The following GRIA1 variants were observed in gnomAD, a reference collection of about 807,000 sequenced individuals.
GRIA1 encodes the protein glutamate ionotropic receptor AMPA type subunit 1, also known as glutamate receptor 1.
Under a neutral mutation model 99.2 loss-of-function variants are expected in GRIA1, and 31 were observed. The ratio of observed to expected loss-of-function variants is 0.31; its 90% CI spans 0.23 to 0.42. The LOEUF (loss-of-function observed/expected upper bound fraction) is 0.42, where lower values mean the gene tolerates loss of function less well. GRIA1 is among the 10% of genes least tolerant of loss of function. The pLI, the probability that GRIA1 is intolerant of heterozygous loss-of-function variation, is 1.00. For synonymous variants in GRIA1, 438 were observed against 432.4 expected (o/e 1.01, Z -0.16); for missense variants, 782 against 1,157.5 (o/e 0.68, Z 4.71).
chr5:153,801,166 C>A (rs1056121531), intron 14 of GRIA1, among the ~76,000 whole-genome samples: 6 of 152,258 alleles, frequency 3.9e-5, no homozygotes, highest in Non-Finnish European at 7.3e-5. Context: ...TTACCTCTCA[C>A]CATGACCATC....
upstream of GRIA1, chr5:153,489,722 GGA>G (rs1473261069): frequency 2.2e-6 from 1 of 452,940 alleles, no homozygotes; most frequent in Non-Finnish European, 4.4e-6. Flanking sequence ...CCCTGGTCTA[GGA>G]GAGTCTATGA....
intron 2 of GRIA1, among the ~76,000 whole-genome samples, chr5:153,538,164 A>C (rs1382270253): frequency 6.6e-6 from 1 of 152,186 alleles, no homozygotes; most frequent in Non-Finnish European, 1.5e-5. Context: ...ACACAATAAA[A>C]GGGGGGCAAG....
chr5:153,612,805 T>C (rs1766112741), intron 2 of GRIA1, among the ~76,000 whole-genome samples: 1 of 152,154 alleles, frequency 6.6e-6, no homozygotes, highest in African/African-American at 2.4e-5. Flanking sequence ...CACATACCCA[T>C]ATCAGCAGCA....
chr5:153,729,173 G>A (rs1413591735), intron 11 of GRIA1, among the ~76,000 whole-genome samples: 3 of 146,898 alleles, frequency 2.0e-5, no homozygotes, highest in Non-Finnish European at 3.0e-5. Context: ...TCATAGGTGG[G>A]AATTGAACAA....
chr5:153,761,521 ATGCTAGCAAGGG>A (rs1763180001), intron 11 of GRIA1, among the ~76,000 whole-genome samples: 1 of 152,168 alleles, frequency 6.6e-6, no homozygotes, highest in African/African-American at 2.4e-5. Flanking sequence ...AAAATAACAA[ATGCTAGCAAGGG>A]TGTGAGGAAG....
chr5:153,578,170 A>AAAAAAAG (rs1561658005), intron 2 of GRIA1, among the ~76,000 whole-genome samples: 9 of 119,356 alleles, frequency 7.5e-5, no homozygotes, highest in African/African-American at 2.1e-4. Flanking sequence ...AAAAAAAAAA[A>AAAAAAAG]AAAGAAAGAA....
At chr5:153,740,180 T>C (rs1358795010) in intron 11 of GRIA1, among the ~76,000 whole-genome samples, 1 of 152,230 alleles carries the variant, frequency 6.6e-6, no homozygotes, top group Non-Finnish European at 1.5e-5. Flanking sequence ...GACTGACTAA[T>C]GTATTAGGGA....
chr5:153,543,520 C>T (rs1017605275), intron 2 of GRIA1, among the ~76,000 whole-genome samples: 2 of 152,062 alleles, frequency 1.3e-5, no homozygotes, highest in African/African-American at 2.4e-5. Flanking sequence ...GAATTTGATA[C>T]AGGCCATATG....
At chr5:153,743,746 C>T (rs62383409) in intron 11 of GRIA1, among the ~76,000 whole-genome samples, 219 of 152,284 alleles carry the variant, frequency 1.4e-3, no homozygotes, top group Non-Finnish European at 2.3e-3. Flanking sequence ...GATTAATAAA[C>T]GTAATTACAT....
chr5:153,750,953 A>C (rs1762473891), intron 11 of GRIA1, among the ~76,000 whole-genome samples: 1 of 152,122 alleles, frequency 6.6e-6, no homozygotes, highest in South Asian at 2.1e-4. Context: ...AAAAAAAATT[A>C]GCTAGGCGTG....
chr5:153,768,726 T>C (rs1011193152), intron 12 of GRIA1, among the ~76,000 whole-genome samples: 2 of 152,180 alleles, frequency 1.3e-5, no homozygotes, highest in Non-Finnish European at 2.9e-5. Flanking sequence ...AAAAGTGATA[T>C]GCTGCATGTA....
intron 2 of GRIA1, among the ~76,000 whole-genome samples, chr5:153,572,807 T>G (rs1294698513): frequency 6.6e-6 from 1 of 152,164 alleles, no homozygotes. Context: ...CAAAGCTGTG[T>G]TCCAGCAGAG....
intron 1 of GRIA1, chr5:153,492,231 C>G: frequency 6.5e-7 from 1 of 1,535,066 alleles, no homozygotes; most frequent in Non-Finnish European, 8.7e-7. Context: ...TTCAGCCTCT[C>G]CAGCTAGCTG....
chr5:153,737,613 C>T (rs79360662), intron 11 of GRIA1, among the ~76,000 whole-genome samples: 135 of 152,244 alleles, frequency 8.9e-4, no homozygotes, highest in African/African-American at 3.1e-3. Context: ...ATAATCAGGA[C>T]GAACTTCCAG....
intron 2 of GRIA1, among the ~76,000 whole-genome samples, chr5:153,619,819 T>C (rs1392222959): frequency 1.3e-5 from 2 of 152,172 alleles, no homozygotes; most frequent in Admixed American, 6.5e-5. Flanking sequence ...GCAAGAACAC[T>C]AAACTTAAAG....
Position 153,572,699 on chromosome 5 carries a change from C to T in GRIA1, c.221-74229C>T, listed in dbSNP as rs181888635. Among the ~76,000 whole-genome samples, 326 of 152,196 alleles carry T rather than the reference C, an allele frequency of 2.1e-3. 1 individual carries two copies. Among genetic ancestry groups the T allele is most frequent in the Non-Finnish European group, 3.0e-3 (201 of 68,014 alleles). On this transcript the variant is annotated intron_variant, in intron 2 of 15. Coordinates refer to ENST00000285900, the MANE Select transcript of GRIA1 (RefSeq NM_000827.4). ...CATGATTTCATGGTACTGATCAGAT[C>T]CAAAGAAGGAGGATGATTGTGAGAT...
At position 153,657,919 on chromosome 5, in the gene GRIA1, G is replaced by A. The variant is rs189477793; in HGVS notation, c.699+2047G>A. 5.2e-4 allele frequency among the ~76,000 whole-genome samples: 79 copies of A among 152,236 alleles called. 1 individual carries two copies. The highest frequency in any genetic ancestry group is 1.8e-3 in the African/African-American group (75 of 41,556). ...GAGTCTCACCCTCCAAAGACCATTT[G>A]CAAAAATGGAATTTTTGACTTCGGA... On this transcript the variant is annotated intron_variant, in intron 5 of 15. Coordinates refer to ENST00000285900, the MANE Select transcript of GRIA1 (RefSeq NM_000827.4).
chr5:153,705,984 C>G lies in GRIA1; in HGVS notation c.1740C>G (p.Asp580Glu), dbSNP rs1303749002. ...AAGGACGGGACCAGACAACCAGTGA[C>G]CAGTCCAATGAGTTTGGGATATTCA... ...FEEGRDQTTS[D>E]QSNEFGIFNS... Residue 580 changes from aspartate (D) to glutamate (E), a missense_variant, in exon 11 of 16, where the codon GAC becomes GAG. By Grantham distance (45) the Asp-to-Glu change is conservative (BLOSUM62 2). Around this residue, in one of 5 missense-constraint regions of GRIA1, gnomAD observed 39 missense variants for 43.5 expected, o/e 0.90. Coordinates refer to ENST00000285900, the MANE Select transcript of GRIA1 (RefSeq NM_000827.4). 6.2e-7 allele frequency: 1 copy of G among 1,613,942 alleles called. No homozygotes were observed. The highest frequency in any genetic ancestry group is 1.7e-5 in the Admixed American group (1 of 60,000).
intron 2 of GRIA1, among the ~76,000 whole-genome samples, chr5:153,582,606 C>A (rs1215674335): frequency 6.6e-6 from 1 of 152,128 alleles, no homozygotes; most frequent in Non-Finnish European, 1.5e-5. Flanking sequence ...TTTTCTATTA[C>A]CAGAGCATAT....
Sources: allele counts gnomAD v4.1 joint callset (sites outside exome capture counted in the v4.1 genomes callset), GRCh38; gene constraint gnomAD v4.1.1; regional missense constraint gnomAD v4.1.1; transcripts MANE v1.5; gene names NCBI Gene and HGNC (gene_info 2026-07-23, HGNC 2026-07-21).